DNAJC1: variants seen among roughly 807,000 people sequenced by gnomAD.
The protein encoded by DNAJC1 is dnaJ homolog subfamily C member 1.
Under a neutral mutation model 76.6 loss-of-function variants are expected in DNAJC1, and 58 were observed. The observed-to-expected ratio is 0.76, with a 90% CI of 0.61 to 0.94. The LOEUF (loss-of-function observed/expected upper bound fraction) is 0.94, where lower values mean the gene tolerates loss of function less well. Among genes scored for constraint, DNAJC1 ranks in the 40% least tolerant of loss-of-function variants. The probability of loss-of-function intolerance (pLI) is 0.00; values close to 1 mark genes in which losing one functional copy is unlikely to be tolerated. For missense variants in DNAJC1, 689 were observed against 677.3 expected (o/e 1.02, Z -0.19); for synonymous variants, 258 against 267.9 (o/e 0.96, Z 0.36).
chr10:21,816,274 T>C (rs1259406292), intron 8 of DNAJC1, among the ~76,000 whole-genome samples: 1 of 151,676 alleles, frequency 6.6e-6, no homozygotes, highest in African/African-American at 2.4e-5. Context: ...GCAGGAGAAT[T>C]GCTGGAACCA....
At chr10:21,991,571 C>T (rs554555909) in intron 1 of DNAJC1, among the ~76,000 whole-genome samples, 30 of 152,144 alleles carry the variant, frequency 2.0e-4, no homozygotes, top group African/African-American at 6.7e-4. Flanking sequence ...TAAAAAAATA[C>T]GAAAACTACA....
intron 8 of DNAJC1, among the ~76,000 whole-genome samples, chr10:21,810,108 G>T (rs1166010415): frequency 1.3e-5 from 2 of 152,070 alleles, no homozygotes; most frequent in African/African-American, 2.4e-5. Context: ...GTCACATTGG[G>T]AGTTAGGGCT....
At chr10:21,792,169 A>C (rs1462811092) in intron 9 of DNAJC1, among the ~76,000 whole-genome samples, 1 of 152,246 alleles carries the variant, frequency 6.6e-6, no homozygotes, top group Non-Finnish European at 1.5e-5. Flanking sequence ...ATCAAGAAGA[A>C]ATAGAAAATC....
chr10:21,829,081 A>G (rs938303496), intron 8 of DNAJC1, among the ~76,000 whole-genome samples: 4 of 152,028 alleles, frequency 2.6e-5, no homozygotes, highest in African/African-American at 9.7e-5. Context: ...CCAGGCCTGG[A>G]GTGCAGTGAG....
rs181643909 is a variant in DNAJC1, at chr10:21,814,127, T to C, written c.979-8028A>G. On this transcript the variant is annotated intron_variant, in intron 8 of 11. Transcript: ENST00000376980. ...CCTTGTAGAGATTTGCAGAAGTTAC[T>C]GGGCACCTACAGCGAACATGCTAAT... Among the ~76,000 whole-genome samples, 3 of 152,354 alleles carry C rather than the reference T, an allele frequency of 2.0e-5. No individual in the cohort carries two copies. The East Asian group carries it at 5.8e-4, about 29-fold the overall frequency.
At chr10:21,810,201 A>G (rs1391483302) in intron 8 of DNAJC1, among the ~76,000 whole-genome samples, 1 of 152,158 alleles carries the variant, frequency 6.6e-6, no homozygotes, top group Non-Finnish European at 1.5e-5. Flanking sequence ...GAAGTCCACA[A>G]TTTGGCCCAA....
chr10:21,791,304 A>G (rs1320726930), intron 9 of DNAJC1, among the ~76,000 whole-genome samples: 1 of 152,182 alleles, frequency 6.6e-6, no homozygotes, highest in African/African-American at 2.4e-5. Flanking sequence ...GAACTTTGAC[A>G]CCCCACACTC....
At chr10:21,846,507 G>A (rs551291075) in intron 8 of DNAJC1, among the ~76,000 whole-genome samples, 4 of 152,162 alleles carry the variant, frequency 2.6e-5, no homozygotes, top group Non-Finnish European at 5.9e-5. Context: ...ATCCACATAT[G>A]CAGAGGTATT....
intron 1 of DNAJC1, among the ~76,000 whole-genome samples, chr10:21,988,954 G>T (rs1189256465): frequency 6.6e-6 from 1 of 152,118 alleles, no homozygotes; most frequent in Non-Finnish European, 1.5e-5. Context: ...CAATAACAGG[G>T]ACATATATGT....
At chr10:21,961,706 A>C (rs1379786012) in intron 1 of DNAJC1, among the ~76,000 whole-genome samples, 1 of 152,194 alleles carries the variant, frequency 6.6e-6, no homozygotes, top group Non-Finnish European at 1.5e-5. Context: ...TGAATTGTAT[A>C]CTTAAAATGG....
rs143066494 is a variant in DNAJC1, at chr10:21,997,716, C to T, written c.222+5497G>A. Among the ~76,000 whole-genome samples the T allele has an allele frequency of 1.2e-3, 187 of 152,066 alleles. 1 individual carries two copies. Among genetic ancestry groups the T allele is most frequent in the African/African-American group, 4.4e-3 (181 of 41,468 alleles). On this transcript the variant is annotated intron_variant, in intron 1 of 11. Transcript: ENST00000376980. ...AATCTGTACATTTGAAAATACAGGC[C>T]GAATGAGCTTAAAAGGTTTATTAAT...
Position 21,941,971 on chromosome 10 carries a change from T to C in DNAJC1, c.223-12830A>G, listed in dbSNP as rs185288975. 1.2e-4 allele frequency among the ~76,000 whole-genome samples: 19 copies of C among 152,206 alleles called. No individual in the cohort carries two copies. The East Asian group carries it at 3.7e-3, about 29-fold the overall frequency. ...AAAAATTTCCAAATTAATAGAAATT[T>C]TACTAAGCCAACAAAAGAAAAATTA... On this transcript the variant is annotated intron_variant, in intron 1 of 11. Transcript: ENST00000376980.
chr10:21,855,029 G>T (rs1463881230), intron 8 of DNAJC1, among the ~76,000 whole-genome samples: 1 of 152,088 alleles, frequency 6.6e-6, no homozygotes, highest in Non-Finnish European at 1.5e-5. Flanking sequence ...TTTAACCATA[G>T]TTCCATTAAT....
chr10:21,894,915 C>G (rs942229108), intron 7 of DNAJC1, among the ~76,000 whole-genome samples: 1 of 152,206 alleles, frequency 6.6e-6, no homozygotes, highest in African/African-American at 2.4e-5. Flanking sequence ...ATCTTGGAAA[C>G]AGAGACCAGG....
At chr10:21,919,298 C>A (rs1837001863) in intron 5 of DNAJC1, among the ~76,000 whole-genome samples, 1 of 151,950 alleles carries the variant, frequency 6.6e-6, no homozygotes, top group Non-Finnish European at 1.5e-5. Flanking sequence ...CAAACCAATA[C>A]ATAAAAATTA....
intron 9 of DNAJC1, among the ~76,000 whole-genome samples, chr10:21,802,862 G>C (rs777217978): frequency 8.6e-5 from 13 of 152,028 alleles, no homozygotes; most frequent in Non-Finnish European, 1.5e-4. Flanking sequence ...GACAGTTTTT[G>C]TTTCCGCTGT....
In DNAJC1 at chr10:21,766,309, C is replaced by A; in HGVS notation, c.1099G>T (p.Val367Leu). 3 of 1,613,682 alleles carry A rather than the reference C, an allele frequency of 1.9e-6. No homozygotes were observed. The highest frequency in any genetic ancestry group is 2.5e-6 in the Non-Finnish European group (3 of 1,179,582). ...AHELGRSVTD[V>L]TTKAKQLKDS... is the part of the protein sequence containing the mutation. ...TTCAGTTGCTTGGCTTTGGTTGTCA[C>A]CTGTTTCAAAACATAAAAGCAAAAA... is the stretch of plus-strand genomic sequence containing the variant. Residue 367 changes from valine to leucine, a missense_variant and splice_region_variant, in exon 10 of 12, where the codon GTG becomes TTG. Transcript: ENST00000376980.
At chr10:21,878,325 G>C (rs1250112517) in intron 8 of DNAJC1, among the ~76,000 whole-genome samples, 1 of 152,172 alleles carries the variant, frequency 6.6e-6, no homozygotes, top group Non-Finnish European at 1.5e-5. Flanking sequence ...GCCAACACTT[G>C]CAACACATGA....
chr10:21,767,605 G>A (rs1834316459), intron 9 of DNAJC1, among the ~76,000 whole-genome samples: 1 of 152,114 alleles, frequency 6.6e-6, no homozygotes, highest in African/African-American at 2.4e-5. Flanking sequence ...TTAAAATTGA[G>A]ATAAAATTTA....
Sources: allele counts gnomAD v4.1 joint callset (sites outside exome capture counted in the v4.1 genomes callset), GRCh38; gene constraint gnomAD v4.1.1; transcripts MANE v1.5; gene names NCBI Gene and HGNC (gene_info 2026-07-23, HGNC 2026-07-21).